Variants in PTPRD observed in about 807,000 individuals in gnomAD.
PTPRD encodes the protein protein tyrosine phosphatase receptor type D, also known as receptor-type tyrosine-protein phosphatase delta.
PTPRD carries 34 observed loss-of-function variants against 214.5 expected under a neutral mutation model. The observed-to-expected ratio is 0.16, with a 90% CI of 0.12 to 0.21. The LOEUF (loss-of-function observed/expected upper bound fraction) is 0.21, where lower values mean the gene tolerates loss of function less well. PTPRD is among the 10% of genes least tolerant of loss of function. PTPRD has a pLI of 1.00. For synonymous variants in PTPRD, 1,128 were observed against 845.7 expected (o/e 1.33, Z -5.79); for missense variants, 2,545 against 2,398.7 (o/e 1.06, Z -1.27).
chr9:10,410,646 C>G (rs1395449024), intron 2 of PTPRD, among the ~76,000 whole-genome samples: 2 of 151,540 alleles, frequency 1.3e-5, no homozygotes, highest in African/African-American at 2.4e-5. Flanking sequence ...TACCAAGTGA[C>G]ATAAAAAGGA....
At chr9:10,246,629 C>CT (rs2092150767) in intron 3 of PTPRD, among the ~76,000 whole-genome samples, 1 of 152,192 alleles carries the variant, frequency 6.6e-6, no homozygotes, top group Non-Finnish European at 1.5e-5. Context: ...ATGATGATGC[C>CT]TATGACGACA....
intron 34 of PTPRD, among the ~76,000 whole-genome samples, chr9:8,441,144 T>C (rs922446526): frequency 6.6e-6 from 1 of 152,182 alleles, no homozygotes; most frequent in Non-Finnish European, 1.5e-5. Flanking sequence ...TCATTCCCAT[T>C]TCCTCACAAT....
chr9:10,496,201 G>C (rs2041978952), intron 2 of PTPRD, among the ~76,000 whole-genome samples: 1 of 151,724 alleles, frequency 6.6e-6, no homozygotes, highest in South Asian at 2.1e-4. Context: ...CTAATTTAGG[G>C]TATTGTTATC....
intron 7 of PTPRD, among the ~76,000 whole-genome samples, chr9:9,690,951 T>C (rs1278164343): frequency 6.6e-6 from 1 of 152,010 alleles, no homozygotes; most frequent in Non-Finnish European, 1.5e-5. Context: ...TCAGGGTGTT[T>C]TATGGTTTCA....
At chr9:8,369,525 T>C (rs1050617249) in intron 39 of PTPRD, among the ~76,000 whole-genome samples, 1 of 151,210 alleles carries the variant, frequency 6.6e-6, no homozygotes, top group African/African-American at 2.4e-5. Flanking sequence ...CTCTATGTGG[T>C]ATGCAGTCCC....
At chr9:10,453,115 G>C (rs1329071955) in intron 2 of PTPRD, among the ~76,000 whole-genome samples, 1 of 151,292 alleles carries the variant, frequency 6.6e-6, no homozygotes, top group Non-Finnish European at 1.5e-5. Flanking sequence ...TCTTGTCAAG[G>C]ATTAGTTGCC....
intron 3 of PTPRD, among the ~76,000 whole-genome samples, chr9:10,295,496 TTGAG>T (rs1440479998): frequency 6.6e-6 from 1 of 152,094 alleles, no homozygotes; most frequent in Non-Finnish European, 1.5e-5. Flanking sequence ...CTCCACCAGT[TTGAG>T]TAAGACCTGC....
At chr9:8,543,244 TG>T (rs1267782008) in intron 14 of PTPRD, among the ~76,000 whole-genome samples, 42 of 152,320 alleles carry the variant, frequency 2.8e-4, no homozygotes, top group African/African-American at 9.4e-4. Context: ...ACTGACACAT[TG>T]TTATAAATTT....
intron 32 of PTPRD, among the ~76,000 whole-genome samples, chr9:8,460,994 T>C (rs1042621516): frequency 6.6e-6 from 1 of 152,038 alleles, no homozygotes; most frequent in Admixed American, 6.6e-5. Context: ...CTCAAGCCAT[T>C]ATCATACAGT....
intron 3 of PTPRD, among the ~76,000 whole-genome samples, chr9:10,306,113 T>A (rs377081595): frequency 7.2e-5 from 11 of 152,048 alleles, no homozygotes; most frequent in East Asian, 3.9e-4. Flanking sequence ...CGAGTTCATG[T>A]CCTTTGCAGG....
chr9:9,709,514 A>T (rs1052926620), intron 7 of PTPRD, among the ~76,000 whole-genome samples: 1 of 152,052 alleles, frequency 6.6e-6, no homozygotes, highest in South Asian at 2.1e-4. Context: ...AAAACAAGAA[A>T]CAAATAATGA....
chr9:9,290,288 T>A (rs1317768485), intron 9 of PTPRD, among the ~76,000 whole-genome samples: 1 of 151,748 alleles, frequency 6.6e-6, no homozygotes, highest in East Asian at 1.9e-4. Flanking sequence ...GGTCCTTTGC[T>A]AATTTTTAAA....
At chr9:10,442,177 G>C (rs1260685699) in intron 2 of PTPRD, among the ~76,000 whole-genome samples, 3 of 151,384 alleles carry the variant, frequency 2.0e-5, no homozygotes. Flanking sequence ...ATTTGTTATT[G>C]ATTATTCAGT....
intron 5 of PTPRD, among the ~76,000 whole-genome samples, chr9:9,922,852 A>T (rs2082967594): frequency 6.6e-6 from 1 of 152,070 alleles, no homozygotes; most frequent in Non-Finnish European, 1.5e-5. Context: ...CTGAAGAGAT[A>T]TGACAACTAA....
At chr9:8,973,384 AG>A in intron 11 of PTPRD, among the ~76,000 whole-genome samples, 1 of 152,178 alleles carries the variant, frequency 6.6e-6, no homozygotes, top group East Asian at 1.9e-4. Context: ...GTTGCTGCAA[AG>A]GACATGATTT....
intron 8 of PTPRD, among the ~76,000 whole-genome samples, chr9:9,507,619 C>T (rs2096601242): frequency 6.6e-6 from 1 of 151,288 alleles, no homozygotes; most frequent in Non-Finnish European, 1.5e-5. Context: ...GAATTTATTG[C>T]AATCAGTCTT....
At chr9:8,626,285 T>C (rs950890271) in intron 14 of PTPRD, among the ~76,000 whole-genome samples, 2 of 152,014 alleles carry the variant, frequency 1.3e-5, no homozygotes, top group East Asian at 3.9e-4. Flanking sequence ...TGAAGTATTT[T>C]AGTAAACTCC....
intron 5 of PTPRD, among the ~76,000 whole-genome samples, chr9:9,859,378 T>A (rs1055912524): frequency 5.9e-5 from 9 of 152,198 alleles, no homozygotes; most frequent in Non-Finnish European, 1.0e-4. Context: ...ATTCTAAAGT[T>A]GAGTCTGAGC....
At chr9:9,580,138 C>T (rs77422511) in intron 7 of PTPRD, among the ~76,000 whole-genome samples, 2 of 152,164 alleles carry the variant, frequency 1.3e-5, no homozygotes, top group East Asian at 3.9e-4. Flanking sequence ...TATTTCATAA[C>T]TTTGCTATTG....
Sources: gnomAD v4.1 joint callset for allele counts (sites outside exome capture counted in the v4.1 genomes callset) on GRCh38, gnomAD v4.1.1 for gene constraint, MANE v1.5 for transcripts, NCBI Gene and HGNC (gene_info 2026-07-23, HGNC 2026-07-21) for gene names.